Variants in OAS1 observed in about 807,000 individuals in gnomAD.
The protein encoded by OAS1 is 2'-5'-oligoadenylate synthetase 1, also known as 2'-5'-oligoadenylate synthase 1.
A neutral mutation model predicts 38.5 loss-of-function variants in OAS1; 24 were observed. The ratio of observed to expected loss-of-function variants is 0.62; its 90% CI spans 0.45 to 0.88. The LOEUF (loss-of-function observed/expected upper bound fraction) is 0.88. Ranked by LOEUF, OAS1 falls within the 40% of genes least tolerant of loss-of-function variation. The probability of loss-of-function intolerance (pLI) is 0.00; values close to 1 mark genes in which losing one functional copy is unlikely to be tolerated. For missense variants in OAS1, 482 were observed against 493.9 expected (o/e 0.98, Z 0.23); for synonymous variants, 169 against 193.9 (o/e 0.87, Z 1.07).
chr12:112,924,759 G>C (rs556275549), downstream of OAS1, among the ~76,000 whole-genome samples: 5 of 152,034 alleles, frequency 3.3e-5, no homozygotes, highest in East Asian at 9.6e-4. Flanking sequence ...TAAATTTTCT[G>C]TGGCCACGGG....
At chr12:112,921,806 T>C (rs1205133027), downstream of OAS1, among the ~76,000 whole-genome samples, 1 of 152,164 alleles carries the variant, frequency 6.6e-6, no homozygotes, top group Admixed American at 6.5e-5. Context: ...GTGGTTTTAA[T>C]TTACTATCCT....
chr12:112,913,175 T>C (rs1463284884), intron 3 of OAS1, among the ~76,000 whole-genome samples: 3 of 152,222 alleles, frequency 2.0e-5, no homozygotes, highest in African/African-American at 2.4e-5. Flanking sequence ...GTATATTGAA[T>C]ATATCATTCC....
chr12:112,907,179 G>A lies in OAS1; in HGVS notation c.140G>A (p.Arg47Gln), dbSNP rs751350524. The A allele has an allele frequency of 2.1e-5, 34 of 1,614,204 alleles. No homozygotes were observed. Among genetic ancestry groups the A allele is most frequent in the South Asian group, 1.3e-4 (12 of 91,082 alleles). The stretch of plus-strand genomic sequence containing the variant: ...GGGTTCCTGAAGGAAAGGTGCTTCC[G>A]AGGTAGCTCCTACCCTGTGTGTGTG... Reference protein sequence around the residue: ...ICGFLKERCFRGSSYPVCVSK... With the variant: ...ICGFLKERCFQGSSYPVCVSK... The change falls in exon 1 of 6, where the codon CGA (arginine) becomes CAA (glutamine). Residue 47 changes from arginine (R) to glutamine (Q), a missense_variant. Coordinates refer to ENST00000202917, the MANE Select transcript of OAS1 (RefSeq NM_016816.4).
intron 6 of OAS1, among the ~76,000 whole-genome samples, chr12:112,931,109 T>C (rs2043594393): frequency 6.6e-6 from 1 of 152,230 alleles, no homozygotes; most frequent in Non-Finnish European, 1.5e-5. Context: ...CTTCTGTTCA[T>C]GCAGTCTGGA....
chr12:112,922,530 A>G (rs927028437), downstream of OAS1, among the ~76,000 whole-genome samples: 2 of 152,028 alleles, frequency 1.3e-5, no homozygotes, highest in Non-Finnish European at 2.9e-5. Flanking sequence ...CCTGGCTTCT[A>G]TTGCTCTGGG....
intron 6 of OAS1, among the ~76,000 whole-genome samples, chr12:112,929,292 G>A (rs1000349725): frequency 6.6e-6 from 1 of 152,144 alleles, no homozygotes; most frequent in Non-Finnish European, 1.5e-5. Context: ...GGGTCCTTGG[G>A]AAGCCAGCTG....
At chr12:112,917,891 C>T (rs2043485961) in intron 5 of OAS1, 191 bp downstream of exon 5, 1 of 1,470,498 alleles carries the variant, frequency 6.8e-7, no homozygotes, top group African/African-American at 1.4e-5. Flanking sequence ...GGAATTTTCA[C>T]ATCCCTTGTC....
At chr12:112,927,838 G>C (rs2043569590) in intron 6 of OAS1, among the ~76,000 whole-genome samples, 1 of 152,136 alleles carries the variant, frequency 6.6e-6, no homozygotes. Context: ...AACCATCTAT[G>C]TTTGGGAGCA....
chr12:112,910,990 G>C (rs551428206), intron 2 of OAS1, 61 bp from the exon 3 acceptor site: 255 of 1,496,692 alleles, frequency 1.7e-4, no homozygotes, highest in Middle Eastern at 1.6e-3. Flanking sequence ...TGTCCCCTCA[G>C]AGTGACTGAA....
intron 3 of OAS1, among the ~76,000 whole-genome samples, chr12:112,916,091 C>T (rs753924766): frequency 7.2e-5 from 11 of 152,114 alleles, no homozygotes; most frequent in Non-Finnish European, 1.6e-4. Context: ...AGTTAATTTT[C>T]GTAGTATCTT....
Position 112,908,573 on chromosome 12 carries a change from G to T in OAS1, c.218G>T (p.Arg73Leu). 1.2e-6 allele frequency: 2 copies of T among 1,614,078 alleles called. No individual in the cohort carries two copies. The highest frequency in any genetic ancestry group is 1.7e-6 in the Non-Finnish European group (2 of 1,179,980). Residue 73 changes from arginine to leucine, a missense_variant, in exon 2 of 6, where the codon CGA becomes CTA. Coordinates refer to ENST00000202917, the MANE Select transcript of OAS1 (RefSeq NM_016816.4). The stretch of plus-strand genomic sequence containing the variant: ...GGCAAGGGCACCACCCTCAGAGGCC[G>T]ATCTGACGCTGACCTGGTTGTCTTC... ...SSGKGTTLRG[R>L]SDADLVVFLS...
intron 1 of OAS1, 127 bp from the exon 2 acceptor site, chr12:112,908,409 G>T (rs1347874430): frequency 3.3e-5 from 28 of 845,566 alleles, no homozygotes; most frequent in Non-Finnish European, 5.1e-5. Context: ...CATTATAGGA[G>T]TTTAAGACAT....
chr12:112,910,229 G>A (rs1343372276), intron 2 of OAS1, among the ~76,000 whole-genome samples: 1 of 152,034 alleles, frequency 6.6e-6, no homozygotes, highest in South Asian at 2.1e-4. Context: ...TTAGCTGGGC[G>A]TGGTGGTGTG....
Position 112,912,944 on chromosome 12 carries a change from T to TTAGTTAATCTG in OAS1, c.654+1710_654+1720dup, listed in dbSNP as rs1310987230. ...GTATTATTGTTTTATAGCCAAATGT[T>TTAGTTAATCTG]TAGTTAATCTGCTCACAGATTTACC... On this transcript the variant is annotated intron_variant, in intron 3 of 5. Transcript: ENST00000202917. Among the ~76,000 whole-genome samples the TTAGTTAATCTG allele has an allele frequency of 2.0e-5, 3 of 152,364 alleles. No homozygotes were observed. In the East Asian group the frequency reaches 5.8e-4, roughly 29 times the overall value.
chr12:112,918,563 A>G (rs902377967), intron 5 of OAS1: 5 of 434,362 alleles, frequency 1.2e-5, no homozygotes, highest in African/African-American at 8.1e-5. Flanking sequence ...GAAAAGTCCC[A>G]TGAGGCATGT....
At chr12:112,913,847 C>T (rs2043417817) in intron 3 of OAS1, among the ~76,000 whole-genome samples, 1 of 152,268 alleles carries the variant, frequency 6.6e-6, no homozygotes, top group South Asian at 2.1e-4. Context: ...CATGAGCACA[C>T]ACAGATTCAT....
chr12:112,926,165 G>C (rs998875945), intron 6 of OAS1, among the ~76,000 whole-genome samples: 7 of 152,258 alleles, frequency 4.6e-5, no homozygotes, highest in African/African-American at 1.7e-4. Flanking sequence ...GAGCCTGTGG[G>C]GGGTAATGGC....
rs778367989 is a variant in OAS1, at chr12:112,916,729, C to T, written c.875C>T (p.Thr292Met). 176 of 1,613,214 alleles carry T rather than the reference C, an allele frequency of 1.1e-4. No individual in the cohort carries two copies. Among genetic ancestry groups the T allele is most frequent in the Admixed American group, 4.8e-4 (29 of 59,992 alleles). Residue 292 changes from threonine to methionine, a missense_variant, in exon 4 of 6, where the codon ACG becomes ATG. Coordinates refer to ENST00000202917, the MANE Select transcript of OAS1 (RefSeq NM_016816.4). ...GAAAAGTACCTGAGAAGGCAGCTCA[C>T]GAAACCCAGGTATGCTATCCCCACA... is the stretch of plus-strand genomic sequence containing the variant. ...IIEKYLRRQL[T>M]KPRPVILDPA...
At chr12:112,913,150 TG>T (rs981749314) in intron 3 of OAS1, among the ~76,000 whole-genome samples, 4 of 152,218 alleles carry the variant, frequency 2.6e-5, no homozygotes, top group African/African-American at 9.6e-5. Flanking sequence ...GTGCTTTTGC[TG>T]GGTGGTCATT....
Sources: allele counts gnomAD v4.1 joint callset (sites outside exome capture counted in the v4.1 genomes callset), GRCh38; gene constraint gnomAD v4.1.1; transcripts MANE v1.5; gene names NCBI Gene and HGNC (gene_info 2026-07-23, HGNC 2026-07-21).